The following RALGPS2 variants were observed in gnomAD, a reference collection of about 807,000 sequenced individuals.
The protein encoded by RALGPS2 is Ral GEF with PH domain and SH3 binding motif 2, also known as ras-specific guanine nucleotide-releasing factor RalGPS2.
A neutral mutation model predicts 86.8 loss-of-function variants in RALGPS2; 43 were observed. The ratio of observed to expected loss-of-function variants is 0.50; its 90% confidence interval spans 0.39 to 0.64. The LOEUF is 0.64. RALGPS2 is among the 30% of genes least tolerant of loss of function. The probability of loss-of-function intolerance (pLI) is 0.00; values close to 1 mark genes in which losing one functional copy is unlikely to be tolerated. For synonymous variants in RALGPS2, 243 were observed against 231.3 expected, an observed-to-expected ratio of 1.05 and a Z score of -0.46; for missense variants, 536 against 694.6, an observed-to-expected ratio of 0.77 and a Z score of 2.57.
intron 8 of RALGPS2, among the ~76,000 whole-genome samples, chr1:178,839,756 C>T (rs1656486169): frequency 6.6e-6 from 1 of 152,142 alleles, no homozygotes; most frequent in African/African-American, 2.4e-5. Context: ...GTGCTGTATT[C>T]AGGAGACCCA....
At chr1:178,886,228 AAAAC>A in intron 13 of RALGPS2, 108 bp downstream of exon 13, 1 of 1,150,270 alleles carries the variant, frequency 8.7e-7, no homozygotes, top group Non-Finnish European at 1.2e-6. Flanking sequence ...TTTGGTTAAA[AAAAC>A]AAAGTAGCAG....
At chr1:178,821,797 T>A (rs1418595521) in intron 7 of RALGPS2, 93 bp downstream of exon 7, 4 of 987,478 alleles carry the variant, frequency 4.1e-6, no homozygotes, top group Non-Finnish European at 6.1e-6. Context: ...AAAGTTAATA[T>A]AATGATAATC....
rs771241252 is a variant in RALGPS2, at chr1:178,883,512, G to C, written c.883G>C (p.Ala295Pro). The C allele has an allele frequency of 1.9e-6, 3 of 1,613,328 alleles. No homozygotes were observed. The South Asian group carries it at 3.3e-5, about 18-fold the overall frequency. ...AGGGACAAGCACCCCACGTTCTGCT[G>C]CTTCCAGAGAAGATTTAGTAGGTCA... ...EPGTSTPRSA[A>P]SREDLVGPEV... The change falls in exon 11 of 20, where the codon GCT (alanine) becomes CCT (proline). Residue 295 changes from alanine (A) to proline (P), a missense_variant. By Grantham distance (27) the Ala-to-Pro change is conservative. This residue lies in a region of RALGPS2 where 309 missense variants were observed against 363.0 expected (regional missense o/e 0.85). Coordinates refer to ENST00000367635, the MANE Select transcript of RALGPS2 (RefSeq NM_152663.5).
intron 8 of RALGPS2, 40 bp from the exon 9 acceptor site, chr1:178,877,458 T>A: frequency 1.2e-6 from 2 of 1,609,058 alleles, no homozygotes; most frequent in Non-Finnish European, 1.7e-6. Flanking sequence ...TCTCCCAACC[T>A]ACAACTAAGA....
intron 4 of RALGPS2, among the ~76,000 whole-genome samples, chr1:178,791,184 G>GATC (rs1653934131): frequency 1.3e-5 from 2 of 152,118 alleles, no homozygotes; most frequent in South Asian, 4.2e-4. Context: ...GCAGTGGCAT[G>GATC]ATCACGGCCC....
chr1:178,845,367 G>T (rs184879535), intron 8 of RALGPS2, among the ~76,000 whole-genome samples: 14 of 152,082 alleles, frequency 9.2e-5, no homozygotes, highest in Admixed American at 4.6e-4. Context: ...TGTTAGAAGA[G>T]AAATACTTTT....
intron 16 of RALGPS2, among the ~76,000 whole-genome samples, chr1:178,895,652 A>G (rs965417659): frequency 6.6e-6 from 1 of 152,076 alleles, no homozygotes; most frequent in Non-Finnish European, 1.5e-5. Context: ...AGATCAAGTA[A>G]GAGGCAAAAG....
At chr1:178,853,660 AC>A in intron 8 of RALGPS2, 1 of 1,612,130 alleles carries the variant, frequency 6.2e-7, no homozygotes, top group Non-Finnish European at 8.5e-7. Context: ...TAACAGTCCA[AC>A]CCCCAGGGTC....
intron 12 of RALGPS2, 68 bp from the exon 13 acceptor site, chr1:178,885,901 T>G: frequency 7.6e-7 from 1 of 1,315,194 alleles, no homozygotes; most frequent in Non-Finnish European, 1.0e-6. Context: ...TCCTAAATCT[T>G]TATATAAAGA....
chr1:178,904,241 C>A (rs1660300570), intron 18 of RALGPS2, among the ~76,000 whole-genome samples: 1 of 152,046 alleles, frequency 6.6e-6, no homozygotes, highest in African/African-American at 2.4e-5. Flanking sequence ...ATTGTAGATT[C>A]TAGATGTTAG....
chr1:178,804,324 T>C (rs981229362), intron 4 of RALGPS2, among the ~76,000 whole-genome samples: 1 of 148,286 alleles, frequency 6.7e-6, no homozygotes, highest in Non-Finnish European at 1.5e-5. Flanking sequence ...ATGTGCACAT[T>C]GTGCAGGTTA....
At chr1:178,759,193 C>T (rs1342356082) in intron 1 of RALGPS2, among the ~76,000 whole-genome samples, 2 of 152,130 alleles carry the variant, frequency 1.3e-5, no homozygotes, top group African/African-American at 4.8e-5. Context: ...GTAGTAGTTT[C>T]ATTGTTTCAG....
chr1:178,738,939 T>C (rs2102017769), intron 1 of RALGPS2, among the ~76,000 whole-genome samples: 1 of 152,332 alleles, frequency 6.6e-6, no homozygotes, highest in African/African-American at 2.4e-5. Context: ...ATTTCCAGGA[T>C]TTGTCTAGAA....
chr1:178,897,489 T>TTA (rs1465110059), intron 16 of RALGPS2, among the ~76,000 whole-genome samples, 175 bp from the exon 17 acceptor site: 1 of 152,000 alleles, frequency 6.6e-6, no homozygotes, highest in African/African-American at 2.4e-5. Flanking sequence ...AAACAGGTAG[T>TTA]TACATGGCAG....
At chr1:178,730,840 T>G (rs916243878) in intron 1 of RALGPS2, among the ~76,000 whole-genome samples, 1 of 152,256 alleles carries the variant, frequency 6.6e-6, no homozygotes, top group Non-Finnish European at 1.5e-5. Context: ...TAGCTGGGAT[T>G]ACAGGCATGT....
chr1:178,898,068 A>G (rs966112244), intron 17 of RALGPS2, among the ~76,000 whole-genome samples: 2 of 152,014 alleles, frequency 1.3e-5, no homozygotes, highest in Non-Finnish European at 2.9e-5. Context: ...TGTGGGACCA[A>G]CATCTAAAGT....
At chr1:178,903,285 A>T (rs1212490107) in intron 18 of RALGPS2, among the ~76,000 whole-genome samples, 1 of 152,178 alleles carries the variant, frequency 6.6e-6, no homozygotes. Flanking sequence ...AGGCAGGAAA[A>T]AATAATACCA....
At chr1:178,786,029 A>AT (rs1653634209) in intron 4 of RALGPS2, among the ~76,000 whole-genome samples, 1 of 152,102 alleles carries the variant, frequency 6.6e-6, no homozygotes, top group South Asian at 2.1e-4. Flanking sequence ...TACTAAGAAA[A>AT]TCATAAGGAA....
At chr1:178,796,616 C>G (rs1572341338) in intron 4 of RALGPS2, among the ~76,000 whole-genome samples, 4 of 152,086 alleles carry the variant, frequency 2.6e-5, no homozygotes, top group Admixed American at 2.0e-4. Flanking sequence ...TCTCTTCTAT[C>G]TGTAGGTATC....
Sources: gnomAD v4.1 joint callset for allele counts (sites outside exome capture counted in the v4.1 genomes callset) on GRCh38, gnomAD v4.1.1 for gene constraint, gnomAD v4.1.1 regional missense constraint, MANE v1.5 for transcripts, NCBI Gene and HGNC (gene_info 2026-07-23, HGNC 2026-07-21) for gene names.